The following RELN variants were observed in gnomAD, a reference collection of about 807,000 sequenced individuals.
The protein encoded by RELN is reelin.
A neutral mutation model predicts 427.6 loss-of-function variants in RELN; 108 were observed. The ratio of observed to expected loss-of-function variants is 0.25; its 90% CI spans 0.22 to 0.30. RELN has a LOEUF of 0.30. RELN is among the 10% of genes least tolerant of loss of function. The pLI, the probability that RELN is intolerant of heterozygous loss-of-function variation, is 1.00. For missense variants in RELN, 3,715 were observed against 4,302.8 expected, an observed-to-expected ratio of 0.86 and a Z score of 3.82; for synonymous variants, 1,524 against 1,513.4, an observed-to-expected ratio of 1.01 and a Z score of -0.16.
chr7:103,866,193 G>A (rs1274543105), intron 2 of RELN, among the ~76,000 whole-genome samples: 3 of 152,006 alleles, frequency 2.0e-5, no homozygotes, highest in Non-Finnish European at 4.4e-5. Context: ...ACTAGTGCTG[G>A]AAATGTGATA....
At chr7:103,737,474 G>A (rs1323598501) in intron 6 of RELN, among the ~76,000 whole-genome samples, 1 of 152,148 alleles carries the variant, frequency 6.6e-6, no homozygotes, top group East Asian at 1.9e-4. Context: ...TTTATGGCAT[G>A]GGGGTTGTCC....
chr7:103,501,256 T>C (rs17152161), intron 52 of RELN, among the ~76,000 whole-genome samples: 22,637 of 152,154 alleles, frequency 0.15, 1,895 homozygotes, highest in East Asian at 0.29. Context: ...AGTTCCGTGG[T>C]CATGATGCAA....
intron 2 of RELN, among the ~76,000 whole-genome samples, chr7:103,851,571 G>A (rs1224914606): frequency 2.0e-5 from 3 of 152,194 alleles, no homozygotes; most frequent in African/African-American, 7.2e-5. Flanking sequence ...CCGTAGTACT[G>A]AAGTCTTTGC....
At chr7:103,908,239 C>A (rs1161199986) in intron 2 of RELN, among the ~76,000 whole-genome samples, 2 of 152,128 alleles carry the variant, frequency 1.3e-5, no homozygotes, top group African/African-American at 2.4e-5. Flanking sequence ...TTAAAGTGAA[C>A]TTCTCAAAAC....
intron 2 of RELN, among the ~76,000 whole-genome samples, chr7:103,897,929 C>T (rs1794997451): frequency 6.6e-6 from 1 of 152,128 alleles, no homozygotes; most frequent in African/African-American, 2.4e-5. Context: ...CTCTCCCTAG[C>T]CTACTTCCTC....
intron 8 of RELN, among the ~76,000 whole-genome samples, chr7:103,708,692 T>C (rs1789707101): frequency 6.6e-6 from 1 of 152,042 alleles, no homozygotes; most frequent in Non-Finnish European, 1.5e-5. Context: ...CTCGATCTCC[T>C]GACCTCGTGA....
At chr7:103,646,256 A>G (rs1832795124) in intron 16 of RELN, among the ~76,000 whole-genome samples, 1 of 151,912 alleles carries the variant, frequency 6.6e-6, no homozygotes, top group Non-Finnish European at 1.5e-5. Flanking sequence ...ATCAGAAGAA[A>G]ATAAATAATG....
Position 103,565,569 on chromosome 7 carries a change from G to A in RELN, c.4937-18C>T, listed in dbSNP as rs771475932. 2.5e-6 allele frequency: 4 copies of A among 1,605,016 alleles called. No homozygotes were observed. The highest frequency in any genetic ancestry group is 3.4e-6 in the Non-Finnish European group (4 of 1,174,338). Reference sequence around the variant, plus strand: ...AGGTTTTCCTGAAAAAAAAAAATGTGTAATGGTAGCATATATGTGTGCCAT... The same window carrying A: ...AGGTTTTCCTGAAAAAAAAAAATGTATAATGGTAGCATATATGTGTGCCAT... On this transcript the variant is annotated intron_variant, in intron 33 of 64. Coordinates refer to ENST00000428762, the MANE Select transcript of RELN (RefSeq NM_005045.4).
At chr7:103,823,994 C>T (rs1000552505) in intron 3 of RELN, among the ~76,000 whole-genome samples, 13 of 152,048 alleles carry the variant, frequency 8.5e-5, no homozygotes, top group Admixed American at 1.3e-4. Context: ...CTTCTGGCAT[C>T]TTTTGTTGCT....
At chr7:103,743,348 C>A (rs965438655) in intron 6 of RELN, among the ~76,000 whole-genome samples, 3 of 152,136 alleles carry the variant, frequency 2.0e-5, no homozygotes, top group Non-Finnish European at 4.4e-5. Flanking sequence ...GAAGAAACTG[C>A]ACCAACTAAC....
At chr7:103,645,599 A>T (rs960983633) in intron 16 of RELN, among the ~76,000 whole-genome samples, 3 of 151,932 alleles carry the variant, frequency 2.0e-5, no homozygotes, top group Admixed American at 2.0e-4. Context: ...ATACATATGC[A>T]CCCAACACTG....
In RELN at chr7:103,776,549, A is replaced by C; in HGVS notation, c.544+8T>G. 6.2e-7 allele frequency: 1 copy of C among 1,614,050 alleles called. No homozygotes were observed. The highest frequency in any genetic ancestry group is 2.2e-5 in the East Asian group (1 of 44,862). On this transcript the variant is annotated splice_region_variant and intron_variant, in intron 4 of 64. Transcript: ENST00000428762. ...ACATAACACAAACAAATCAAATGTGACGCTTACCTCCTTGTTCACACAACT... is the reference window on the plus strand; with the variant it reads ...ACATAACACAAACAAATCAAATGTGCCGCTTACCTCCTTGTTCACACAACT...
In RELN at chr7:103,982,529, A is replaced by G. The variant is rs1432608088; in HGVS notation, c.226+6602T>C. On this transcript the variant is annotated intron_variant, in intron 1 of 64. Coordinates refer to ENST00000428762, the MANE Select transcript of RELN (RefSeq NM_005045.4). The stretch of plus-strand genomic sequence containing the variant: ...AGAAAGTGAAAGAATTTAAAAAGAA[A>G]AAGAACAAAGTGGTGAAGCAGAAAG... 2.0e-5 allele frequency among the ~76,000 whole-genome samples: 3 copies of G among 152,330 alleles called. No homozygotes were observed. The East Asian group carries it at 5.8e-4, about 29-fold the overall frequency.
chr7:103,836,536 T>C (rs1382675884), intron 2 of RELN, among the ~76,000 whole-genome samples: 1 of 152,160 alleles, frequency 6.6e-6, no homozygotes, highest in African/African-American at 2.4e-5. Flanking sequence ...TCTCACTGCC[T>C]TCTCCAACCT....
At chr7:103,473,622 C>T (rs1437484233) in intron 64 of RELN, among the ~76,000 whole-genome samples, 17 of 152,140 alleles carry the variant, frequency 1.1e-4, no homozygotes, top group Admixed American at 1.1e-3. Flanking sequence ...CACATATGTA[C>T]ATACACACAT....
At chr7:103,796,629 G>A (rs759336833) in intron 3 of RELN, among the ~76,000 whole-genome samples, 3 of 152,156 alleles carry the variant, frequency 2.0e-5, no homozygotes, top group African/African-American at 4.8e-5. Context: ...AGTACTCTGA[G>A]AGGCCATGGT....
intron 28 of RELN, among the ~76,000 whole-genome samples, chr7:103,582,328 C>G (rs958517217): frequency 6.6e-6 from 1 of 152,112 alleles, no homozygotes; most frequent in East Asian, 1.9e-4. Flanking sequence ...GGGTCTGTAT[C>G]CTAACTAAAG....
At chr7:103,815,560 G>T (rs764117171) in intron 3 of RELN, among the ~76,000 whole-genome samples, 1 of 152,104 alleles carries the variant, frequency 6.6e-6, no homozygotes, top group Non-Finnish European at 1.5e-5. Flanking sequence ...ATCAAATACT[G>T]GACATTTTGA....
At position 103,604,369 on chromosome 7, in the gene RELN, G is replaced by A. The variant is rs41276148; in HGVS notation, c.3123C>T (p.Gly1041=). ...QQCPNMCSGH[G]SCDHGICRCD... ...ACCTGCATATGCCATGATCGCATGAGCCATGCCCACTGCACATGTTGGGGC... is the reference window on the plus strand; with the variant it reads ...ACCTGCATATGCCATGATCGCATGAACCATGCCCACTGCACATGTTGGGGC... Residue 1041 remains glycine, a synonymous_variant, in exon 23 of 65, where the codon GGC becomes GGT. Coordinates refer to ENST00000428762, the MANE Select transcript of RELN (RefSeq NM_005045.4). 1.6e-3 allele frequency: 2,519 copies of A among 1,613,858 alleles called. 5 individuals carry two copies. The highest frequency in any genetic ancestry group is 5.9e-3 in the Middle Eastern group (36 of 6,060).
Sources: allele counts gnomAD v4.1 joint callset (sites outside exome capture counted in the v4.1 genomes callset), GRCh38; gene constraint gnomAD v4.1.1; transcripts MANE v1.5; gene names NCBI Gene and HGNC (gene_info 2026-07-23, HGNC 2026-07-21).